The following KCNH1 variants were observed in gnomAD, a reference collection of about 807,000 sequenced individuals.
KCNH1 encodes voltage-gated delayed rectifier potassium channel KCNH1.
Under a neutral mutation model 69.2 loss-of-function variants are expected in KCNH1, and 27 were observed. The ratio of observed to expected loss-of-function variants is 0.39; its 90% CI spans 0.29 to 0.54. The LOEUF (loss-of-function observed/expected upper bound fraction) is 0.54. Among genes scored for constraint, KCNH1 ranks in the 20% least tolerant of loss-of-function variants. The pLI is 0.68. For missense variants in KCNH1, 798 were observed against 1,261.6 expected (o/e 0.63, Z 5.57); for synonymous variants, 456 against 487.7 (o/e 0.93, Z 0.86).
intron 5 of KCNH1, among the ~76,000 whole-genome samples, chr1:211,028,216 C>A (rs933169714): frequency 3.8e-4 from 58 of 151,958 alleles, no homozygotes; most frequent in African/African-American, 1.4e-3. Flanking sequence ...ATAAATATCA[C>A]ACTTCTAAAT....
At chr1:211,067,656 G>A (rs369503174) in intron 5 of KCNH1, among the ~76,000 whole-genome samples, 3 of 152,288 alleles carry the variant, frequency 2.0e-5, no homozygotes, top group African/African-American at 7.2e-5. Context: ...AGATTAACTG[G>A]GTTTCCTTTG....
intron 6 of KCNH1, among the ~76,000 whole-genome samples, chr1:210,988,567 A>G (rs1482282942): frequency 1.3e-5 from 2 of 152,368 alleles, no homozygotes; most frequent in East Asian, 1.9e-4. Context: ...GGATTAATCT[A>G]TCTCCTGATA....
intron 3 of KCNH1, among the ~76,000 whole-genome samples, chr1:211,095,778 T>C (rs1056728343): frequency 2.0e-5 from 3 of 152,280 alleles, no homozygotes; most frequent in Admixed American, 6.5e-5. Flanking sequence ...ACAATTGGTC[T>C]GGGGTCAACT....
chr1:210,862,402 C>T (rs1685999214), intron 7 of KCNH1: 2 of 584,184 alleles, frequency 3.4e-6, no homozygotes, highest in Non-Finnish European at 6.3e-6. Flanking sequence ...ATGGTGCAAT[C>T]TTAACTCACT....
chr1:211,050,692 G>A (rs1373188632), intron 5 of KCNH1, among the ~76,000 whole-genome samples: 1 of 152,144 alleles, frequency 6.6e-6, no homozygotes, highest in East Asian at 1.9e-4. Context: ...TCAATATGAT[G>A]AAGAATTAGT....
chr1:210,685,749 A>G (rs114538598), intron 10 of KCNH1, among the ~76,000 whole-genome samples: 1 of 152,078 alleles, frequency 6.6e-6, no homozygotes, highest in African/African-American at 2.4e-5. Context: ...AACTCACCCT[A>G]CCTCCTCCAA....
chr1:210,818,369 CT>C (rs1684860982), intron 7 of KCNH1, among the ~76,000 whole-genome samples: 1 of 152,116 alleles, frequency 6.6e-6, no homozygotes, highest in Admixed American at 6.6e-5. Context: ...AAATAATTCT[CT>C]TGCCATTACC....
Position 210,917,107 on chromosome 1 carries a change from C to A in KCNH1, c.1462+2533G>T, listed in dbSNP as rs185699748. Among the ~76,000 whole-genome samples the A allele has an allele frequency of 3.0e-3, 448 of 151,742 alleles. 4 individuals carry two copies. Among genetic ancestry groups the A allele is most frequent in the African/African-American group, 1.0e-2 (413 of 41,376 alleles). On this transcript the variant is annotated intron_variant, in intron 7 of 10. Coordinates refer to ENST00000271751, the MANE Select transcript of KCNH1 (RefSeq NM_172362.3). ...AGGTTGCAGTGAGCCTATCATACCA[C>A]TGCACTGCAGCCTGGGCAACAGAGT... is the stretch of plus-strand genomic sequence containing the variant.
chr1:210,847,975 G>C (rs906302323), intron 7 of KCNH1, among the ~76,000 whole-genome samples: 1 of 152,106 alleles, frequency 6.6e-6, no homozygotes, highest in East Asian at 1.9e-4. Flanking sequence ...GGCAACTGTC[G>C]TTTAAGATGA....
At chr1:210,731,419 C>T (rs1318772533) in intron 10 of KCNH1, among the ~76,000 whole-genome samples, 2 of 152,158 alleles carry the variant, frequency 1.3e-5, no homozygotes, top group Non-Finnish European at 2.9e-5. Context: ...CTATACAGTC[C>T]CTCACACTGG....
At chr1:210,721,292 C>G (rs1391930351) in intron 10 of KCNH1, among the ~76,000 whole-genome samples, 3 of 152,146 alleles carry the variant, frequency 2.0e-5, no homozygotes, top group African/African-American at 7.2e-5. Context: ...TGCTGTAGCT[C>G]TTGGCCACCT....
chr1:210,980,520 T>C (rs1008546130), intron 6 of KCNH1, among the ~76,000 whole-genome samples: 7 of 152,114 alleles, frequency 4.6e-5, no homozygotes, highest in Admixed American at 6.6e-5. Flanking sequence ...ACTAAGAAAC[T>C]GCAATATTAA....
intron 10 of KCNH1, among the ~76,000 whole-genome samples, chr1:210,761,548 A>T (rs184790268): frequency 8.2e-4 from 125 of 152,316 alleles, no homozygotes; most frequent in Admixed American, 2.2e-3. Context: ...AGATGGCAAA[A>T]GATCTACTGC....
intron 7 of KCNH1, among the ~76,000 whole-genome samples, chr1:210,824,735 A>G (rs1294622480): frequency 6.6e-6 from 1 of 152,202 alleles, no homozygotes; most frequent in Non-Finnish European, 1.5e-5. Flanking sequence ...TTAACAAGTG[A>G]TAATACCTTA....
At chr1:210,909,446 A>G (rs116138886) in intron 7 of KCNH1, among the ~76,000 whole-genome samples, 39 of 152,368 alleles carry the variant, frequency 2.6e-4, no homozygotes, top group African/African-American at 8.2e-4. Context: ...CTAGCAGGCC[A>G]TCTGTGGCCC....
At chr1:210,900,136 A>C (rs1470528267) in intron 7 of KCNH1, among the ~76,000 whole-genome samples, 1 of 152,220 alleles carries the variant, frequency 6.6e-6, no homozygotes, top group Admixed American at 6.5e-5. Flanking sequence ...TTAAGAAGAG[A>C]GAGATAGTGA....
At chr1:210,723,425 C>T (rs1390775477) in intron 10 of KCNH1, among the ~76,000 whole-genome samples, 1 of 152,092 alleles carries the variant, frequency 6.6e-6, no homozygotes, top group Non-Finnish European at 1.5e-5. Context: ...AGCCACTCCT[C>T]AGAGGTGGAG....
At chr1:210,714,918 G>T (rs1682187255) in intron 10 of KCNH1, among the ~76,000 whole-genome samples, 1 of 152,122 alleles carries the variant, frequency 6.6e-6, no homozygotes, top group African/African-American at 2.4e-5. Context: ...TGGTGCTCTG[G>T]ATGTTTAGAG....
At chr1:210,970,175 G>A (rs572905964) in intron 6 of KCNH1, among the ~76,000 whole-genome samples, 1 of 151,814 alleles carries the variant, frequency 6.6e-6, no homozygotes, top group Non-Finnish European at 1.5e-5. Context: ...GTATACCTGT[G>A]CCATGGTGGT....
Sources: allele counts gnomAD v4.1 joint callset (sites outside exome capture counted in the v4.1 genomes callset), GRCh38; gene constraint gnomAD v4.1.1; transcripts MANE v1.5; gene names NCBI Gene and HGNC (gene_info 2026-07-23, HGNC 2026-07-21).